Variants in CACNG3 observed in about 807,000 individuals in gnomAD.
CACNG3 encodes calcium voltage-gated channel auxiliary subunit gamma 3, also known as voltage-dependent calcium channel gamma-3 subunit.
Under a neutral mutation model 28.5 loss-of-function variants are expected in CACNG3, and 3 were observed. That is an observed-to-expected ratio of 0.11 (90% confidence interval 0.05 to 0.27). CACNG3 has a LOEUF of 0.27. CACNG3 is among the 10% of genes least tolerant of loss of function. The pLI is 1.00. For missense variants in CACNG3, 236 were observed against 414.4 expected (o/e 0.57, Z 3.74); for synonymous variants, 174 against 162.2 (o/e 1.07, Z -0.55).
intron 1 of CACNG3, among the ~76,000 whole-genome samples, chr16:24,332,267 A>G (rs1176236594): frequency 6.6e-6 from 1 of 152,144 alleles, no homozygotes; most frequent in African/African-American, 2.4e-5. Context: ...TTTGAGACCA[A>G]CTGGACAACA....
chr16:24,290,385 A>G (rs1352660907), intron 1 of CACNG3, among the ~76,000 whole-genome samples: 1 of 152,188 alleles, frequency 6.6e-6, no homozygotes, highest in Non-Finnish European at 1.5e-5. Flanking sequence ...TTGACCGTAA[A>G]CTGAGCTTCC....
chr16:24,347,934 G>A (rs1442075733), intron 2 of CACNG3, among the ~76,000 whole-genome samples: 2 of 152,100 alleles, frequency 1.3e-5, no homozygotes, highest in African/African-American at 2.4e-5. Flanking sequence ...AAAATTAGCC[G>A]GGGCCCAACA....
At chr16:24,301,720 G>A (rs1003580813) in intron 1 of CACNG3, among the ~76,000 whole-genome samples, 2 of 152,158 alleles carry the variant, frequency 1.3e-5, no homozygotes, top group African/African-American at 4.8e-5. Flanking sequence ...GCAGAGTCAG[G>A]CCTCCAAATA....
chr16:24,264,916 T>C (rs1898577614), intron 1 of CACNG3, among the ~76,000 whole-genome samples: 1 of 152,128 alleles, frequency 6.6e-6, no homozygotes, highest in Non-Finnish European at 1.5e-5. Context: ...ATAAATAATG[T>C]CACCATGCTT....
At chr16:24,267,314 G>T (rs1488155424) in intron 1 of CACNG3, among the ~76,000 whole-genome samples, 1 of 151,996 alleles carries the variant, frequency 6.6e-6, no homozygotes, top group East Asian at 1.9e-4. Flanking sequence ...TTGAGACAGG[G>T]TCTTGCTCTA....
At chr16:24,334,578 G>A (rs1899676377) in intron 1 of CACNG3, among the ~76,000 whole-genome samples, 1 of 152,174 alleles carries the variant, frequency 6.6e-6, no homozygotes, top group African/African-American at 2.4e-5. Flanking sequence ...GGGGAAACCT[G>A]TCTCCACTCC....
At chr16:24,352,711 T>G (rs1899969392) in intron 2 of CACNG3, among the ~76,000 whole-genome samples, 1 of 151,802 alleles carries the variant, frequency 6.6e-6, no homozygotes, top group Non-Finnish European at 1.5e-5. Flanking sequence ...GGCTAATTTT[T>G]TATTTTTTAG....
At chr16:24,296,177 C>T (rs1032445760) in intron 1 of CACNG3, among the ~76,000 whole-genome samples, 7 of 152,166 alleles carry the variant, frequency 4.6e-5, no homozygotes, top group African/African-American at 1.7e-4. Context: ...TTCTGTGACC[C>T]GACTCCTGGT....
chr16:24,269,058 C>A (rs1209263674), intron 1 of CACNG3, among the ~76,000 whole-genome samples: 2 of 152,126 alleles, frequency 1.3e-5, no homozygotes, highest in Non-Finnish European at 2.9e-5. Context: ...TCTTACTGGC[C>A]TTGGGTTTGA....
chr16:24,349,672 C>T (rs553291101), intron 2 of CACNG3, among the ~76,000 whole-genome samples: 2 of 152,272 alleles, frequency 1.3e-5, no homozygotes, highest in East Asian at 3.9e-4. Flanking sequence ...GTGAGGACGA[C>T]CAGAGGTCAC....
chr16:24,313,569 C>G (rs1180063684), intron 1 of CACNG3, among the ~76,000 whole-genome samples: 2 of 152,138 alleles, frequency 1.3e-5, no homozygotes. Context: ...ACTACAGCCT[C>G]AACCTCCACA....
chr16:24,337,571 C>T (rs1399004756), intron 1 of CACNG3, among the ~76,000 whole-genome samples: 1 of 151,978 alleles, frequency 6.6e-6, no homozygotes, highest in East Asian at 1.9e-4. Context: ...AATCCCAGCT[C>T]TTAGGGAGGC....
chr16:24,347,136 A>C (rs764761219), intron 2 of CACNG3, among the ~76,000 whole-genome samples: 6 of 152,154 alleles, frequency 3.9e-5, no homozygotes, highest in Non-Finnish European at 8.8e-5. Context: ...TGGGCAATAT[A>C]GCAAGAACCC....
At chr16:24,332,184 C>G (rs538956980) in intron 1 of CACNG3, among the ~76,000 whole-genome samples, 205 of 152,190 alleles carry the variant, frequency 1.3e-3, no homozygotes, top group Non-Finnish European at 2.1e-3. Flanking sequence ...AATCAGGGAC[C>G]GGGTGCAATG....
intron 3 of CACNG3, among the ~76,000 whole-genome samples, chr16:24,356,887 C>T (rs139178787): frequency 4.6e-5 from 7 of 152,038 alleles, no homozygotes; most frequent in East Asian, 3.9e-4. Flanking sequence ...TGGTGGAAGG[C>T]GAAGGAGGAG....
chr16:24,308,839 C>CAAAAAAAAAAAAAAAAAAAAAAAAAAA, intron 1 of CACNG3, among the ~76,000 whole-genome samples: 1 of 27,270 alleles, frequency 3.7e-5, no homozygotes, highest in Non-Finnish European at 7.5e-5. Context: ...GAACCTACCT[C>CAAAAAAAAAAAAAAAAAAAAAAAAAAA]AAAAAAAAAA....
intron 1 of CACNG3, among the ~76,000 whole-genome samples, chr16:24,316,181 C>T (rs1899349565): frequency 6.6e-6 from 1 of 151,582 alleles, no homozygotes; most frequent in Admixed American, 6.6e-5. Flanking sequence ...TTTAACATCC[C>T]TGCTTTGGGG....
chr16:24,268,163 G>C (rs982493940), intron 1 of CACNG3, among the ~76,000 whole-genome samples: 3 of 152,160 alleles, frequency 2.0e-5, no homozygotes, highest in African/African-American at 7.2e-5. Context: ...GATTTAAACT[G>C]TACCTTCTTC....
chr16:24,354,803 A>C, intron 2 of CACNG3, 30 bp from the exon 3 acceptor site: 2 of 1,604,690 alleles, frequency 1.2e-6, no homozygotes, highest in Non-Finnish European at 1.7e-6. Flanking sequence ...GGCTGGGCAC[A>C]GGCAGAAGCC....
Sources: allele counts gnomAD v4.1 joint callset (sites outside exome capture counted in the v4.1 genomes callset), GRCh38; gene constraint gnomAD v4.1.1; transcripts MANE v1.5; gene names NCBI Gene and HGNC (gene_info 2026-07-23, HGNC 2026-07-21).